IQGAP2: variants seen among roughly 807,000 people sequenced by gnomAD.
The protein encoded by IQGAP2 is IQ motif containing GTPase activating protein 2.
A neutral mutation model predicts 201.3 loss-of-function variants in IQGAP2; 173 were observed. That is an observed-to-expected ratio of 0.86 (90% confidence interval 0.76 to 0.98). The LOEUF (loss-of-function observed/expected upper bound fraction) is 0.98. Among genes scored for constraint, IQGAP2 ranks in the 50% least tolerant of loss-of-function variants. The pLI is 0.00. For synonymous variants in IQGAP2, 675 were observed against 673.9 expected (o/e 1.00, Z -0.03); for missense variants, 1,687 against 1,864.8 (o/e 0.90, Z 1.76).
intron 1 of IQGAP2, among the ~76,000 whole-genome samples, chr5:76,414,575 C>T (rs1294439306): frequency 1.3e-5 from 2 of 152,162 alleles, no homozygotes; most frequent in Non-Finnish European, 2.9e-5. Context: ...AATCCCAGCA[C>T]TTTGGGAGGC....
At chr5:76,522,718 T>C (rs1374464835) in intron 2 of IQGAP2, among the ~76,000 whole-genome samples, 1 of 152,192 alleles carries the variant, frequency 6.6e-6, no homozygotes, top group African/African-American at 2.4e-5. Context: ...TGTACCTTGA[T>C]AGAGCAGAGA....
At chr5:76,689,103 G>A (rs1170280903) in intron 30 of IQGAP2, among the ~76,000 whole-genome samples, 2 of 151,906 alleles carry the variant, frequency 1.3e-5, no homozygotes, top group Admixed American at 1.3e-4. Context: ...CAAAGAGGAG[G>A]GACAAAGGGC....
intron 2 of IQGAP2, among the ~76,000 whole-genome samples, chr5:76,549,091 G>A (rs1022634174): frequency 6.6e-6 from 1 of 152,118 alleles, no homozygotes; most frequent in Non-Finnish European, 1.5e-5. Context: ...GGCGGGGCAT[G>A]GTCTGGGATA....
At chr5:76,624,627 T>C (rs1750050369) in intron 13 of IQGAP2, 2 of 152,214 alleles carry the variant, frequency 1.3e-5, no homozygotes, top group African/African-American at 4.8e-5. Flanking sequence ...GTTATCTAAA[T>C]TCAGGAATTT....
At chr5:76,587,383 G>A (rs935843813) in intron 5 of IQGAP2, among the ~76,000 whole-genome samples, 65 of 152,216 alleles carry the variant, frequency 4.3e-4, no homozygotes, top group Middle Eastern at 3.4e-3. Flanking sequence ...CTATATGTAA[G>A]TAGGTTTATT....
At chr5:76,659,291 A>C (rs1184147320) in intron 21 of IQGAP2, among the ~76,000 whole-genome samples, 2 of 152,194 alleles carry the variant, frequency 1.3e-5, no homozygotes, top group Non-Finnish European at 2.9e-5. Context: ...ATGAATACAA[A>C]AGAGATATTT....
At chr5:76,436,527 T>A (rs1176896391) in intron 1 of IQGAP2, among the ~76,000 whole-genome samples, 55 of 44,776 alleles carry the variant, frequency 1.2e-3, no homozygotes, top group Non-Finnish European at 1.8e-3. Flanking sequence ...ATTTTTTTTT[T>A]TTTTTTTTTT....
intron 2 of IQGAP2, among the ~76,000 whole-genome samples, chr5:76,558,824 A>G (rs1311613828): frequency 6.6e-6 from 1 of 152,114 alleles, no homozygotes; most frequent in African/African-American, 2.4e-5. Context: ...CACCACCACT[A>G]TGTGGCTGAC....
chr5:76,543,412 T>G (rs1309095446), intron 2 of IQGAP2, among the ~76,000 whole-genome samples: 1 of 152,174 alleles, frequency 6.6e-6, no homozygotes, highest in Non-Finnish European at 1.5e-5. Context: ...TGGAGGGACG[T>G]AAATGTGCAA....
chr5:76,521,160 A>G (rs1441790363), intron 2 of IQGAP2, among the ~76,000 whole-genome samples: 1 of 152,018 alleles, frequency 6.6e-6, no homozygotes, highest in Non-Finnish European at 1.5e-5. Context: ...ATGTTTTCAG[A>G]ATCTGATTTA....
chr5:76,427,487 G>A (rs1023203476), intron 1 of IQGAP2, among the ~76,000 whole-genome samples: 1 of 152,126 alleles, frequency 6.6e-6, no homozygotes, highest in Non-Finnish European at 1.5e-5. Flanking sequence ...TCTTTCTGCC[G>A]GGAATAGGAT....
At chr5:76,704,077 A>G (rs1308963577) in intron 35 of IQGAP2, among the ~76,000 whole-genome samples, 1 of 152,276 alleles carries the variant, frequency 6.6e-6, no homozygotes, top group Non-Finnish European at 1.5e-5. Context: ...GAAAGCTATT[A>G]TGTAATTATT....
At chr5:76,523,936 G>A (rs1758830784) in intron 2 of IQGAP2, among the ~76,000 whole-genome samples, 1 of 152,160 alleles carries the variant, frequency 6.6e-6, no homozygotes, top group South Asian at 2.1e-4. Flanking sequence ...AGGCAGACAA[G>A]ATTAGCTAGA....
intron 17 of IQGAP2, among the ~76,000 whole-genome samples, chr5:76,647,926 C>G (rs1306661695): frequency 6.6e-6 from 1 of 152,064 alleles, no homozygotes; most frequent in Non-Finnish European, 1.5e-5. Context: ...CCCTCCTGGA[C>G]TGTAATAAGG....
intron 24 of IQGAP2, among the ~76,000 whole-genome samples, chr5:76,672,637 A>G (rs1744442416): frequency 6.6e-6 from 1 of 152,182 alleles, no homozygotes; most frequent in Non-Finnish European, 1.5e-5. Flanking sequence ...TATATATTCC[A>G]GTTGGAGTTA....
chr5:76,603,311 G>A (rs1580570870), intron 11 of IQGAP2, among the ~76,000 whole-genome samples: 1 of 152,218 alleles, frequency 6.6e-6, no homozygotes, highest in Non-Finnish European at 1.5e-5. Flanking sequence ...CCCCACCCTA[G>A]CATCTGATGT....
Position 76,494,846 on chromosome 5 carries a change from T to C in IQGAP2, c.146+33177T>C, listed in dbSNP as rs368187933. ...GAAATCAGAACAGAGAACGTCGACA[T>C]GTGCAAACCTTTGGATAACTTTTAA... is the stretch of plus-strand genomic sequence containing the variant. On this transcript the variant is annotated intron_variant, in intron 2 of 35. Coordinates refer to ENST00000274364, the MANE Select transcript of IQGAP2 (RefSeq NM_006633.5). 2.0e-5 allele frequency among the ~76,000 whole-genome samples: 3 copies of C among 152,180 alleles called. No homozygotes were observed. The South Asian group carries it at 6.2e-4, about 32-fold the overall frequency.
At chr5:76,449,738 G>A (rs570018114) in intron 1 of IQGAP2, among the ~76,000 whole-genome samples, 1 of 152,262 alleles carries the variant, frequency 6.6e-6, no homozygotes, top group South Asian at 2.1e-4. Flanking sequence ...GGGCTCTCAT[G>A]ACTTAATTCT....
At chr5:76,404,378 G>T in intron 1 of IQGAP2, 4 of 770,574 alleles carry the variant, frequency 5.2e-6, no homozygotes, top group Non-Finnish European at 6.3e-6. Context: ...GTGGCTTCAT[G>T]TGCAGAGTTC....
Sources: gnomAD v4.1 joint callset for allele counts (sites outside exome capture counted in the v4.1 genomes callset) on GRCh38, gnomAD v4.1.1 for gene constraint, MANE v1.5 for transcripts, NCBI Gene and HGNC (gene_info 2026-07-23, HGNC 2026-07-21) for gene names.